PIK3C2G: variants seen among roughly 807,000 people sequenced by gnomAD.
PIK3C2G encodes the protein phosphatidylinositol 3-kinase C2 domain-containing subunit gamma.
A neutral mutation model predicts 181.1 loss-of-function variants in PIK3C2G; 168 were observed. The observed-to-expected ratio is 0.93, with a 90% CI of 0.82 to 1.05. PIK3C2G has a LOEUF of 1.05. Among genes scored for constraint, PIK3C2G ranks in the 50% least tolerant of loss-of-function variants. The pLI, the probability that PIK3C2G is intolerant of heterozygous loss-of-function variation, is 0.00. For missense variants in PIK3C2G, 1,869 were observed against 1,732.8 expected (o/e 1.08, Z -1.40); for synonymous variants, 573 against 592.2 (o/e 0.97, Z 0.47).
Position 18,458,020 on chromosome 12 carries a change from TAAC to T in PIK3C2G, c.2505-30426_2505-30424del, listed in dbSNP as rs570097785. On this transcript the variant is annotated intron_variant, in intron 18 of 32. Transcript: ENST00000538779. The stretch of plus-strand genomic sequence containing the variant: ...CTAATTAACATTAATTTATTAATGA[TAAC>T]AATTTATTTTACATCAATGTTCAAA... Among the ~76,000 whole-genome samples, 187 of 152,316 alleles carry T rather than the reference TAAC, an allele frequency of 1.2e-3. 1 individual carries two copies. Among genetic ancestry groups the T allele is most frequent in the Admixed American group, 4.4e-3 (68 of 15,290 alleles).
Position 18,475,195 on chromosome 12 carries a change from A to G in PIK3C2G, c.2505-13254A>G, listed in dbSNP as rs1275810862. ...ATTGCCACCTTTTTTGGTTATTGCT[A>G]TAATTGCTTATATCTTAAATAAGAC... On this transcript the variant is annotated intron_variant, in intron 18 of 32. Coordinates refer to ENST00000538779, the MANE Select transcript of PIK3C2G (RefSeq NM_001288772.2). 7.9e-5 allele frequency among the ~76,000 whole-genome samples: 12 copies of G among 152,210 alleles called. No individual in the cohort carries two copies. The East Asian group carries it at 2.3e-3, about 29-fold the overall frequency.
At chr12:18,615,367 G>GTGTGTGTA (rs1163460591) in intron 31 of PIK3C2G, among the ~76,000 whole-genome samples, 18 of 88,582 alleles carry the variant, frequency 2.0e-4, no homozygotes, top group African/African-American at 6.6e-4. Flanking sequence ...GTGTGTGTGT[G>GTGTGTGTA]TGTATGTGTA....
intron 29 of PIK3C2G, among the ~76,000 whole-genome samples, chr12:18,594,191 C>G (rs1947231864): frequency 6.6e-6 from 1 of 151,844 alleles, no homozygotes; most frequent in Admixed American, 6.6e-5. Flanking sequence ...ATGTGAAATG[C>G]ATGCATATTT....
chr12:18,415,191 T>G (rs2135664514), intron 16 of PIK3C2G, among the ~76,000 whole-genome samples: 1 of 152,350 alleles, frequency 6.6e-6, no homozygotes, highest in Non-Finnish European at 1.5e-5. Context: ...CAACTGAAGA[T>G]TTGTGGCTTC....
intron 24 of PIK3C2G, among the ~76,000 whole-genome samples, chr12:18,528,185 A>G (rs900661710): frequency 6.6e-6 from 1 of 152,086 alleles, no homozygotes; most frequent in Non-Finnish European, 1.5e-5. Flanking sequence ...CAATTAACTC[A>G]TGGATATTAG....
At chr12:18,639,288 T>G (rs1311785446) in intron 31 of PIK3C2G, among the ~76,000 whole-genome samples, 7 of 152,072 alleles carry the variant, frequency 4.6e-5, no homozygotes, top group African/African-American at 1.4e-4. Flanking sequence ...TTACTACACG[T>G]TTTTTTGAGT....
chr12:18,297,147 G>A (rs751442471), intron 5 of PIK3C2G, among the ~76,000 whole-genome samples: 11 of 152,022 alleles, frequency 7.2e-5, no homozygotes, highest in Non-Finnish European at 1.2e-4. Context: ...TTCCTAGACC[G>A]TCCCTGCATC....
chr12:18,650,331 C>CTA (rs371220581), downstream of PIK3C2G, among the ~76,000 whole-genome samples: 1,307 of 91,776 alleles, frequency 0.014, 20 homozygotes, highest in Middle Eastern at 0.062. Context: ...CTCTCTCTCT[C>CTA]TATATATATA....
intron 22 of PIK3C2G, among the ~76,000 whole-genome samples, chr12:18,501,542 A>T: frequency 6.6e-6 from 1 of 152,204 alleles, no homozygotes; most frequent in East Asian, 1.9e-4. Context: ...TTGCATTAAA[A>T]TTTGAGAAAT....
chr12:18,692,493 C>CTGCTTTTA, the PIK3C2G span, among the ~76,000 whole-genome samples: 1 of 152,136 alleles, frequency 6.6e-6, no homozygotes, highest in Non-Finnish European at 1.5e-5. Context: ...TCTTAGACAA[C>CTGCTTTTA]TGCTTTTATG....
chr12:18,310,607 T>C (rs972236954), intron 5 of PIK3C2G, among the ~76,000 whole-genome samples: 1 of 151,832 alleles, frequency 6.6e-6, no homozygotes, highest in Non-Finnish European at 1.5e-5. Flanking sequence ...TAAATTGAGA[T>C]TGCAATAGAA....
At chr12:18,611,017 T>C (rs1205283329) in intron 31 of PIK3C2G, among the ~76,000 whole-genome samples, 1 of 152,122 alleles carries the variant, frequency 6.6e-6, no homozygotes, top group Non-Finnish European at 1.5e-5. Context: ...TCCTAGTTTT[T>C]GATCAGAAGT....
Position 18,381,820 on chromosome 12 carries a change from C to T in PIK3C2G, c.1935C>T (p.Pro645=), listed in dbSNP as rs770780376. 1.6e-5 allele frequency: 26 copies of T among 1,613,632 alleles called. No individual in the cohort carries two copies. In the East Asian group the frequency reaches 3.8e-4, roughly 24 times the overall value. ...GCATGACATTACAGAGTGAGCCTCCCGTAGAAATGATAACTCCAGGAGTGT... is the reference window on the plus strand; with the variant it reads ...GCATGACATTACAGAGTGAGCCTCCTGTAGAAATGATAACTCCAGGAGTGT... ...LFSMTLQSEP[P]VEMITPGVWD... The change falls in exon 14 of 33, where the codon CCC becomes CCT. Residue 645 remains proline (P), a synonymous_variant. Coordinates refer to ENST00000538779, the MANE Select transcript of PIK3C2G (RefSeq NM_001288772.2).
chr12:18,554,710 T>C (rs923012898), intron 26 of PIK3C2G, among the ~76,000 whole-genome samples: 1 of 152,044 alleles, frequency 6.6e-6, no homozygotes, highest in African/African-American at 2.4e-5. Context: ...ATAGGAATTA[T>C]CCGAAAGCAT....
At chr12:18,574,882 A>G (rs1469053043) in intron 29 of PIK3C2G, among the ~76,000 whole-genome samples, 2 of 152,168 alleles carry the variant, frequency 1.3e-5, no homozygotes, top group African/African-American at 4.8e-5. Flanking sequence ...TTCTTTTGTT[A>G]CATGCTATAT....
intron 32 of PIK3C2G, among the ~76,000 whole-genome samples, chr12:18,641,837 C>T (rs1399668705): frequency 1.3e-5 from 2 of 150,568 alleles, no homozygotes; most frequent in East Asian, 3.9e-4. Flanking sequence ...ACAACCTCCA[C>T]CTCCCAGATT....
At chr12:18,296,643 A>C (rs192708481) in intron 5 of PIK3C2G, among the ~76,000 whole-genome samples, 109 of 152,254 alleles carry the variant, frequency 7.2e-4, no homozygotes, top group Middle Eastern at 3.4e-3. Context: ...TATTTTTGCA[A>C]GTTATTTAAC....
At chr12:18,448,781 C>CT (rs1409207668) in intron 18 of PIK3C2G, among the ~76,000 whole-genome samples, 1 of 151,444 alleles carries the variant, frequency 6.6e-6, no homozygotes, top group Admixed American at 6.6e-5. Context: ...TTGAAAACAT[C>CT]TTATATTGAA....
At chr12:18,662,053 G>A in the PIK3C2G span, among the ~76,000 whole-genome samples, 42 of 152,156 alleles carry the variant, frequency 2.8e-4, no homozygotes, top group African/African-American at 7.9e-4. Flanking sequence ...GTGTTCTCCC[G>A]TATTAAGTAG....
Sources: allele counts gnomAD v4.1 joint callset (sites outside exome capture counted in the v4.1 genomes callset), GRCh38; gene constraint gnomAD v4.1.1; transcripts MANE v1.5; gene names NCBI Gene and HGNC (gene_info 2026-07-23, HGNC 2026-07-21).